CFAP99: variants seen among roughly 807,000 people sequenced by gnomAD.
The protein encoded by CFAP99 is cilia- and flagella-associated protein 99.
Under a neutral mutation model 82.7 loss-of-function variants are expected in CFAP99, and 84 were observed. That is an observed-to-expected ratio of 1.02 (90% CI 0.85 to 1.22). The LOEUF (loss-of-function observed/expected upper bound fraction) is 1.22, where lower values mean the gene tolerates loss of function less well. Among genes scored for constraint, CFAP99 ranks in the 50% most tolerant of loss-of-function variants. CFAP99 has a pLI of 0.00. For synonymous variants in CFAP99, 456 were observed against 429.5 expected (o/e 1.06, Z -0.76); for missense variants, 1,059 against 983.5 (o/e 1.08, Z -1.03).
chr4:2,419,954 T>A (rs1459071435), intron 1 of CFAP99, among the ~76,000 whole-genome samples: 1 of 152,118 alleles, frequency 6.6e-6, no homozygotes, highest in Non-Finnish European at 1.5e-5. Flanking sequence ...AAGCTCTTTA[T>A]CAAAGTCATC....
Position 2,443,211 on chromosome 4 carries a change from G to A in CFAP99, c.433G>A (p.Val145Met), listed in dbSNP as rs755705415. 114 of 1,535,556 alleles carry A rather than the reference G, an allele frequency of 7.4e-5. No homozygotes were observed. The highest frequency in any genetic ancestry group is 1.7e-4 in the Middle Eastern group (1 of 6,010). Residue 145 changes from valine (V) to methionine (M), a missense_variant, in exon 5 of 15, where the codon GTG becomes ATG. Val to Met is a conservative substitution (Grantham distance 21). Transcript: ENST00000635017. ...GAGCCTCATCTACGAGCCAGCCCAC[G>A]TGAAGGAGAACTGGATCGACCCCCT...
At chr4:2,438,011 G>C in intron 3 of CFAP99, 59 bp from the exon 4 acceptor site, 1 of 1,063,810 alleles carries the variant, frequency 9.4e-7, no homozygotes, top group Non-Finnish European at 1.4e-6. Context: ...CTCCGGTCCC[G>C]CCGTGTGCCT....
intron 10 of CFAP99, 112 bp from the exon 11 acceptor site, chr4:2,452,030 G>C: frequency 9.2e-7 from 1 of 1,084,746 alleles, no homozygotes; most frequent in South Asian, 1.4e-5. Flanking sequence ...TGGGTGTCAG[G>C]AGTAGCAGCC....
intron 10 of CFAP99, 67 bp from the exon 11 acceptor site, chr4:2,452,075 T>C (rs372289112): frequency 2.0e-6 from 3 of 1,502,334 alleles, no homozygotes; most frequent in South Asian, 2.4e-5. Context: ...CAGGAAAACC[T>C]GTGACCACCC....
chr4:2,450,944 C>G lies in CFAP99; in HGVS notation c.796-3C>G, dbSNP rs910048081. 1.3e-6 allele frequency: 2 copies of G among 1,535,966 alleles called. No individual in the cohort carries two copies. Among genetic ancestry groups the G allele is most frequent in the East Asian group, 4.9e-5 (2 of 40,910 alleles). ...GCGGCCAGCTCTGCCCTGACTCCTG[C>G]AGGGCTCCAAGCAGCAGCTGCGGCT... On this transcript the variant is annotated splice_region_variant and splice_polypyrimidine_tract_variant and intron_variant, in intron 8 of 14. Transcript: ENST00000635017.
rs1472095248 is a variant in CFAP99, at chr4:2,438,174, CCCTA to C, written c.351+14_351+17del. Reference sequence around the variant, plus strand: ...GGATAAGATGTGCAAGGTGAGCCACCCCTACCTGCCCACCAGGCCACGAGGCCCA... The same window carrying C: ...GGATAAGATGTGCAAGGTGAGCCACCCCTGCCCACCAGGCCACGAGGCCCA... On this transcript the variant is annotated intron_variant, in intron 4 of 14. Transcript: ENST00000635017. The C allele has an allele frequency of 1.3e-6, 2 of 1,498,788 alleles. No individual in the cohort carries two copies. The highest frequency in any genetic ancestry group is 1.8e-6 in the Non-Finnish European group (2 of 1,113,278). The allele number at this position is 1,498,788 out of a possible 1,614,324, so 92.8% of individuals were successfully genotyped here. A position where few individuals can be genotyped will look rare whatever the true frequency, so the allele number is the denominator to read the frequency against.
In CFAP99 at chr4:2,424,177, G is replaced by C. The variant is rs1050044766; in HGVS notation, c.-17-2282G>C. Among the ~76,000 whole-genome samples the C allele has an allele frequency of 2.6e-5, 4 of 152,226 alleles. No homozygotes were observed. The East Asian group carries it at 5.8e-4, about 22-fold the overall frequency. ...CTCACGCCTGTAATCCCAGCACTTT[G>C]GGAGGCTGAGGCAGGCAGATCACCT... On this transcript the variant is annotated intron_variant, in intron 1 of 14. Transcript: ENST00000635017.
intron 1 of CFAP99, among the ~76,000 whole-genome samples, chr4:2,423,404 C>T (rs1733622356): frequency 6.6e-6 from 1 of 152,260 alleles, no homozygotes; most frequent in Non-Finnish European, 1.5e-5. Flanking sequence ...CTGAGTATTC[C>T]TGCCTTGGCA....
rs928325084 is a variant in CFAP99, at chr4:2,449,307, C to T, written c.643-363C>T. 5.8e-4 allele frequency among the ~76,000 whole-genome samples: 88 copies of T among 152,210 alleles called. 1 individual carries two copies. The highest frequency in any genetic ancestry group is 1.9e-3 in the African/African-American group (79 of 41,514). ...CTCTCCTGCCCAGGCAGCCATCTTC[C>T]GCCTGTCTCCCAGTGTCAAGGGAGC... is the stretch of plus-strand genomic sequence containing the variant. On this transcript the variant is annotated intron_variant, in intron 6 of 14. Transcript: ENST00000635017.
chr4:2,462,323 C>A lies in CFAP99; in HGVS notation c.1662-120C>A. 9.8e-7 allele frequency: 1 copy of A among 1,022,120 alleles called. No homozygotes were observed. The highest frequency in any genetic ancestry group is 1.3e-6 in the Non-Finnish European group (1 of 760,196). The allele number at this position is 1,022,120 out of a possible 1,614,324, so 63.3% of individuals were successfully genotyped here. A position where few individuals can be genotyped will look rare whatever the true frequency, so the allele number is the denominator to read the frequency against. On this transcript the variant is annotated intron_variant, in intron 14 of 14. Transcript: ENST00000635017. The surrounding 1 kb of genome is among the most constrained non-coding windows in gnomAD (Gnocchi z 4.1). ...CCTCGCTGTCTGTCCTAAATCATTC[C>A]GGTGAACCTCTCCGGCTGCGTAGCT...
At chr4:2,443,025 C>A in intron 4 of CFAP99, 105 bp from the exon 5 acceptor site, 1 of 517,652 alleles carries the variant, frequency 1.9e-6, no homozygotes, top group South Asian at 2.1e-5. Flanking sequence ...ACTGGGGGTG[C>A]TGGGGGCCTT....
At chr4:2,452,170 G>A (rs2108731599) in exon 11 of CFAP99, 2 of 1,536,178 alleles carry the variant, frequency 1.3e-6, no homozygotes, top group Non-Finnish European at 1.7e-6. Context: ...TGGGGCTGGG[G>A]ACTTCTCTGA....
At chr4:2,461,874 C>T (rs886102767) in intron 14 of CFAP99, among the ~76,000 whole-genome samples, 1 of 152,104 alleles carries the variant, frequency 6.6e-6, no homozygotes, top group Non-Finnish European at 1.5e-5. Flanking sequence ...ACAGCGTTAG[C>T]AGGGGGTACC....
intron 13 of CFAP99, among the ~76,000 whole-genome samples, 157 bp downstream of exon 13, chr4:2,459,415 G>A (rs537033235): frequency 2.1e-4 from 32 of 152,324 alleles, no homozygotes; most frequent in South Asian, 1.5e-3. Context: ...CCCATGTGCC[G>A]CGGGCCTGGG....
intron 11 of CFAP99, among the ~76,000 whole-genome samples, chr4:2,455,570 TCCCA>T (rs1734408670): frequency 6.6e-6 from 1 of 152,160 alleles, no homozygotes; most frequent in Admixed American, 6.5e-5. Flanking sequence ...ACCCACGTAA[TCCCA>T]CCAACTCAGG....
At chr4:2,461,244 A>AG (rs1448191107) in intron 14 of CFAP99, among the ~76,000 whole-genome samples, 1 of 152,170 alleles carries the variant, frequency 6.6e-6, no homozygotes, top group East Asian at 1.9e-4. Context: ...TCCTGGGGTC[A>AG]GGCTGGCCTC....
At chr4:2,430,966 G>A (rs992969517) in intron 2 of CFAP99, among the ~76,000 whole-genome samples, 4 of 152,082 alleles carry the variant, frequency 2.6e-5, no homozygotes, top group African/African-American at 7.2e-5. Flanking sequence ...CCAGCTACTC[G>A]GGGGCTAAGG....
chr4:2,442,996 G>C, intron 4 of CFAP99, 134 bp from the exon 5 acceptor site: 1 of 406,604 alleles, frequency 2.5e-6, no homozygotes, highest in East Asian at 4.4e-5. Context: ...CTGGGGTGCT[G>C]GGGGCCTTGG....
At chr4:2,440,642 G>C (rs1734015532) in intron 4 of CFAP99, among the ~76,000 whole-genome samples, 1 of 151,758 alleles carries the variant, frequency 6.6e-6, no homozygotes, top group African/African-American at 2.4e-5. Flanking sequence ...CCCCAGGCTG[G>C]AGTGCAGTGG....
Sources: gnomAD v4.1 joint callset for allele counts (sites outside exome capture counted in the v4.1 genomes callset) on GRCh38, gnomAD v4.1.1 for gene constraint, Gnocchi (gnomAD v3.1) non-coding constraint, MANE v1.5 for transcripts, NCBI Gene and HGNC (gene_info 2026-07-23, HGNC 2026-07-21) for gene names.